Variants in PREX1 observed in about 807,000 individuals in gnomAD.
PREX1 encodes the protein phosphatidylinositol 3,4,5-trisphosphate-dependent Rac exchanger 1 protein.
A neutral mutation model predicts 198.3 loss-of-function variants in PREX1; 41 were observed. The ratio of observed to expected loss-of-function variants is 0.21; its 90% CI spans 0.16 to 0.27. The LOEUF (loss-of-function observed/expected upper bound fraction) is 0.27, where lower values mean the gene tolerates loss of function less well. Among genes scored for constraint, PREX1 ranks in the 10% least tolerant of loss-of-function variants. The pLI, the probability that PREX1 is intolerant of heterozygous loss-of-function variation, is 1.00. For missense variants in PREX1, 1,620 were observed against 2,200.7 expected (o/e 0.74, Z 5.28); for synonymous variants, 843 against 887.2 (o/e 0.95, Z 0.89).
At chr20:48,631,455 C>A (rs953362344) in intron 35 of PREX1, among the ~76,000 whole-genome samples, 1 of 152,204 alleles carries the variant, frequency 6.6e-6, no homozygotes, top group Non-Finnish European at 1.5e-5. Flanking sequence ...GTGCCCGGCC[C>A]GCAGAAGGCC....
rs747743302 is a variant in PREX1 at position 48,627,886 on chromosome 20, T to C, written c.4844A>G (p.Gln1615Arg). 1.2e-6 allele frequency: 2 copies of C among 1,613,060 alleles called. No individual in the cohort carries two copies. Among genetic ancestry groups the C allele is most frequent in the Non-Finnish European group, 1.7e-6 (2 of 1,179,902 alleles). ...SHGLLPKCIM[Q>R]ATDIMRKQGP... ...CTGCTTCCGCATGATGTCCGTGGCC[T>C]GCATGATGCACTTGGGCAGCAACCC... The change falls in exon 38 of 40, where the codon CAG becomes CGG. Residue 1615 changes from glutamine (Q) to arginine (R), a missense_variant. Around this residue, in one of 7 missense-constraint regions of PREX1, gnomAD observed 476 missense variants for 603.4 expected, o/e 0.79. Transcript: ENST00000371941.
At chr20:48,875,665 G>T in the PREX1 span, among the ~76,000 whole-genome samples, 1 of 152,174 alleles carries the variant, frequency 6.6e-6, no homozygotes, top group South Asian at 2.1e-4. Context: ...AACTGGAGAA[G>T]CCCTTTAATG....
Position 48,704,552 on chromosome 20 carries a change from C to T in PREX1, c.784-3666G>A, listed in dbSNP as rs141692668. On this transcript the variant is annotated intron_variant, in intron 6 of 39. Coordinates refer to ENST00000371941, the MANE Select transcript of PREX1 (RefSeq NM_020820.4). ...CTTTCCTTCCTTCCTTTCCTTCCTT[C>T]CTTCCTCCCTCCCTCTCTTTTTTTT... Among the ~76,000 whole-genome samples, 1,032 of 152,118 alleles carry T rather than the reference C, an allele frequency of 6.8e-3. 17 individuals are homozygous for T. Among genetic ancestry groups the T allele is most frequent in the African/African-American group, 0.023 (974 of 41,516 alleles).
At chr20:48,762,021 G>A (rs893755559) in intron 1 of PREX1, among the ~76,000 whole-genome samples, 1 of 152,176 alleles carries the variant, frequency 6.6e-6, no homozygotes, top group African/African-American at 2.4e-5. Flanking sequence ...CCAACCCACT[G>A]CTGCGCCCTG....
At chr20:48,632,872 G>A (rs2089326677) in intron 33 of PREX1, among the ~76,000 whole-genome samples, 2 of 152,302 alleles carry the variant, frequency 1.3e-5, no homozygotes, top group South Asian at 4.1e-4. Flanking sequence ...AACTGCAGCT[G>A]ACACCTCCCT....
intron 15 of PREX1, among the ~76,000 whole-genome samples, chr20:48,662,620 T>C (rs2089605652): frequency 6.6e-6 from 1 of 152,210 alleles, no homozygotes; most frequent in African/African-American, 2.4e-5. Flanking sequence ...AAGGTGGGAA[T>C]ACCTTAGTGT....
intron 1 of PREX1, among the ~76,000 whole-genome samples, chr20:48,799,338 C>G (rs565263095): frequency 6.6e-6 from 1 of 152,232 alleles, no homozygotes; most frequent in African/African-American, 2.4e-5. Flanking sequence ...CAAGTGAGAT[C>G]CCCACTGCCC....
intron 10 of PREX1, among the ~76,000 whole-genome samples, chr20:48,683,689 G>A (rs550969913): frequency 6.6e-5 from 10 of 152,298 alleles, no homozygotes; most frequent in Middle Eastern, 3.4e-3. Flanking sequence ...GTTAGAAGAC[G>A]AACGCATCTA....
chr20:48,801,040 C>G (rs181099106), intron 1 of PREX1, among the ~76,000 whole-genome samples: 1 of 152,158 alleles, frequency 6.6e-6, no homozygotes, highest in Non-Finnish European at 1.5e-5. Flanking sequence ...TTGGAGAGTT[C>G]CTGCCTATCA....
chr20:48,716,181 C>T (rs1018887513), intron 5 of PREX1, among the ~76,000 whole-genome samples: 2 of 152,218 alleles, frequency 1.3e-5, no homozygotes, highest in Admixed American at 1.3e-4. Flanking sequence ...TGGCCTTCCC[C>T]AGCATCCGCC....
At chr20:48,824,627 T>C (rs1254679059) in intron 1 of PREX1, among the ~76,000 whole-genome samples, 5 of 152,234 alleles carry the variant, frequency 3.3e-5, no homozygotes, top group Admixed American at 2.6e-4. Context: ...TTATCTTCTT[T>C]AAAAACCTAT....
At chr20:48,639,711 A>C in intron 30 of PREX1, 55 bp downstream of exon 30, 1 of 1,595,954 alleles carries the variant, frequency 6.3e-7, no homozygotes, top group Non-Finnish European at 8.5e-7. Flanking sequence ...CTCAGGTTCC[A>C]CACCAAAAGC....
chr20:48,733,760 G>GT (rs911188887), intron 4 of PREX1, among the ~76,000 whole-genome samples: 4 of 139,430 alleles, frequency 2.9e-5, no homozygotes, highest in Non-Finnish European at 4.7e-5. Context: ...TTTGTTTTTT[G>GT]TTTTTTTTGA....
chr20:48,636,791 GGGCTAACATCA>G, intron 31 of PREX1, 108 bp from the exon 32 acceptor site: 1 of 932,558 alleles, frequency 1.1e-6, no homozygotes, highest in South Asian at 1.7e-5. Context: ...CCCCAGCAAA[GGGCTAACATCA>G]GGCCAGAAAT....
At chr20:48,825,542 A>G (rs2090505094) in intron 1 of PREX1, among the ~76,000 whole-genome samples, 1 of 151,998 alleles carries the variant, frequency 6.6e-6, no homozygotes, top group African/African-American at 2.4e-5. Flanking sequence ...GCTCCAATCA[A>G]TTTCCATTAT....
chr20:48,685,505 C>A (rs995190949), intron 10 of PREX1, among the ~76,000 whole-genome samples: 1 of 152,204 alleles, frequency 6.6e-6, no homozygotes, highest in African/African-American at 2.4e-5. Context: ...ATTTTATTAT[C>A]TCCCTTTAAC....
chr20:48,880,299 C>T, the PREX1 span, among the ~76,000 whole-genome samples: 4 of 152,066 alleles, frequency 2.6e-5, no homozygotes, highest in African/African-American at 4.8e-5. Flanking sequence ...GTAGTATATC[C>T]GATTGGTATT....
chr20:48,678,131 T>C (rs765212322), intron 13 of PREX1, among the ~76,000 whole-genome samples: 1 of 152,168 alleles, frequency 6.6e-6, no homozygotes, highest in Admixed American at 6.5e-5. Flanking sequence ...CTGGCCAACA[T>C]GGTGAAACCC....
intron 14 of PREX1, among the ~76,000 whole-genome samples, chr20:48,673,696 C>G (rs973638104): frequency 3.5e-5 from 5 of 142,192 alleles, no homozygotes; most frequent in Admixed American, 7.7e-5. Context: ...CTAACCCCCC[C>G]ACCTCTGTTT....
Sources: allele counts gnomAD v4.1 joint callset (sites outside exome capture counted in the v4.1 genomes callset), GRCh38; gene constraint gnomAD v4.1.1; regional missense constraint gnomAD v4.1.1; transcripts MANE v1.5; gene names NCBI Gene and HGNC (gene_info 2026-07-23, HGNC 2026-07-21).